The following TP63 variants were observed in gnomAD, a reference collection of about 807,000 sequenced individuals.
TP63 encodes the protein tumor protein p63, also known as tumor protein 63.
TP63 carries 17 observed loss-of-function variants against 82.8 expected under a neutral mutation model. That is an observed-to-expected ratio of 0.21 (90% CI 0.14 to 0.31). TP63 has a LOEUF of 0.31. Ranked by LOEUF, TP63 falls within the 10% of genes least tolerant of loss-of-function variation. The pLI is 1.00. For missense variants in TP63, 648 were observed against 895.3 expected (o/e 0.72, Z 3.52); for synonymous variants, 330 against 321.7 (o/e 1.03, Z -0.28).
intron 4 of TP63, among the ~76,000 whole-genome samples, chr3:189,809,328 A>G (rs1727281170): frequency 6.6e-6 from 1 of 152,202 alleles, no homozygotes; most frequent in African/African-American, 2.4e-5. Context: ...TCTGTATATA[A>G]CTTTTCTAAG....
At position 189,690,572 on chromosome 3, in the gene TP63, A is replaced by G. The variant is rs536303918; in HGVS notation, c.63-47168A>G. Among the ~76,000 whole-genome samples, 13 of 152,330 alleles carry G rather than the reference A, an allele frequency of 8.5e-5. No individual in the cohort carries two copies. The East Asian group carries it at 1.5e-3, about 18-fold the overall frequency. ...ACAGCTACATTTTGAAGAACTTCCT[A>G]TAGACACATTTATTTGAATTGGTCC... On this transcript the variant is annotated intron_variant, in intron 1 of 13. Coordinates refer to ENST00000264731, the MANE Select transcript of TP63 (RefSeq NM_003722.5).
intron 4 of TP63, among the ~76,000 whole-genome samples, chr3:189,824,696 T>C (rs977534371): frequency 3.9e-5 from 6 of 152,188 alleles, no homozygotes. Context: ...CAAGCCATAC[T>C]TACTCAGGAC....
chr3:189,852,738 C>A (rs908376691), intron 4 of TP63, among the ~76,000 whole-genome samples: 1 of 152,130 alleles, frequency 6.6e-6, no homozygotes, highest in Non-Finnish European at 1.5e-5. Flanking sequence ...TCAGTGACAC[C>A]TCTTTGCCTG....
chr3:189,672,101 ATTC>A (rs1714940650), intron 1 of TP63, among the ~76,000 whole-genome samples: 1 of 152,150 alleles, frequency 6.6e-6, no homozygotes, highest in South Asian at 2.1e-4. Context: ...TATATTAGTT[ATTC>A]TTATTTGATC....
At position 189,896,361 on chromosome 3, in the gene TP63, T is replaced by C. The variant is rs1265470944; in HGVS notation, c.*1859T>C. 4.9e-6 allele frequency: 1 copy of C among 204,448 alleles called. No individual in the cohort carries two copies. Among genetic ancestry groups the C allele is most frequent in the East Asian group, 7.4e-5 (1 of 13,474 alleles). The allele number at this position is 204,448 out of a possible 1,614,324, so 12.7% of individuals were successfully genotyped here. ...ACCTTTTTTTATCGTTTTTGTATTT[T>C]CATGAAAATACCATTTAGTAAGAAT... On this transcript the variant is annotated 3_prime_UTR_variant, in exon 14 of 14. Coordinates refer to ENST00000264731, the MANE Select transcript of TP63 (RefSeq NM_003722.5).
chr3:189,698,046 T>C lies in TP63; in HGVS notation c.63-39694T>C, dbSNP rs150231281. Reference sequence around the variant, plus strand: ...ATGATTTTGTTATTTTACTTCACTATTTAGGGCTTCCAGGACAATGTTGAA... The same window carrying C: ...ATGATTTTGTTATTTTACTTCACTACTTAGGGCTTCCAGGACAATGTTGAA... On this transcript the variant is annotated intron_variant, in intron 1 of 13. Transcript: ENST00000264731. 4.7e-3 allele frequency among the ~76,000 whole-genome samples: 711 copies of C among 152,194 alleles called. 2 individuals carry two copies. Among genetic ancestry groups the C allele is most frequent in the Non-Finnish European group, 6.1e-3 (414 of 67,964 alleles).
chr3:189,893,985 T>G (rs537836022), intron 13 of TP63, among the ~76,000 whole-genome samples: 1 of 152,244 alleles, frequency 6.6e-6, no homozygotes, highest in South Asian at 2.1e-4. Context: ...AGAGACTAAG[T>G]GAAGTGTTCT....
At chr3:189,678,850 TA>T (rs1268272892) in intron 1 of TP63, among the ~76,000 whole-genome samples, 3 of 152,096 alleles carry the variant, frequency 2.0e-5, no homozygotes, top group East Asian at 3.8e-4. Flanking sequence ...TCCTCAATAT[TA>T]TTTTTTTAGC....
At chr3:189,811,612 C>G (rs1235012654) in intron 4 of TP63, among the ~76,000 whole-genome samples, 1 of 152,102 alleles carries the variant, frequency 6.6e-6, no homozygotes, top group Non-Finnish European at 1.5e-5. Context: ...AATTATATAT[C>G]CTCATGTTTA....
chr3:189,643,455 T>TAAAAA (rs71635306), intron 1 of TP63, among the ~76,000 whole-genome samples: 8 of 122,968 alleles, frequency 6.5e-5, no homozygotes, highest in South Asian at 2.5e-4. Context: ...TTAAACTGAT[T>TAAAAA]AAAAAAAAAA....
At chr3:189,654,375 A>G (rs564781352) in intron 1 of TP63, among the ~76,000 whole-genome samples, 9 of 152,294 alleles carry the variant, frequency 5.9e-5, no homozygotes, top group African/African-American at 2.2e-4. Flanking sequence ...CACAGGCTAT[A>G]GGACAAGAAA....
At chr3:189,808,612 G>T in intron 4 of TP63, 86 bp downstream of exon 4, 1 of 1,601,184 alleles carries the variant, frequency 6.2e-7, no homozygotes, top group Non-Finnish European at 8.5e-7. Flanking sequence ...CCCCTTCCCA[G>T]TTTAGCGATT....
At chr3:189,667,122 A>G (rs1368205670) in intron 1 of TP63, among the ~76,000 whole-genome samples, 3 of 151,038 alleles carry the variant, frequency 2.0e-5, no homozygotes, top group East Asian at 1.9e-4. Flanking sequence ...GAGCTGACAC[A>G]CAAGCATAGC....
At chr3:189,599,890 T>C in the TP63 span, among the ~76,000 whole-genome samples, 186 of 152,344 alleles carry the variant, frequency 1.2e-3, no homozygotes, top group African/African-American at 4.3e-3. Context: ...ACTATATTTA[T>C]TTTCCTCAAC....
intron 3 of TP63, among the ~76,000 whole-genome samples, chr3:189,754,459 G>A (rs369112390): frequency 6.6e-6 from 1 of 151,984 alleles, no homozygotes; most frequent in Non-Finnish European, 1.5e-5. Flanking sequence ...TATTAAACAC[G>A]TATTGTATGA....
intron 9 of TP63, among the ~76,000 whole-genome samples, chr3:189,871,051 C>A (rs1340741781): frequency 6.6e-6 from 1 of 152,086 alleles, no homozygotes; most frequent in Admixed American, 6.5e-5. Flanking sequence ...AAACATTACC[C>A]TGATACACTA....
Position 189,894,520 on chromosome 3 carries a change from C to T in TP63, c.*18C>T. 3 of 1,611,634 alleles carry T rather than the reference C, an allele frequency of 1.9e-6. No individual in the cohort carries two copies. Among genetic ancestry groups the T allele is most frequent in the Non-Finnish European group, 2.5e-6 (3 of 1,179,856 alleles). On this transcript the variant is annotated 3_prime_UTR_variant, in exon 14 of 14. Coordinates refer to ENST00000264731, the MANE Select transcript of TP63 (RefSeq NM_003722.5). Reference sequence around the variant, plus strand: ...GGGAGTGAGCCTCACCATGTGAGCTCTTCCTATCCCTCTCCTAACTGCCAG... The same window carrying T: ...GGGAGTGAGCCTCACCATGTGAGCTTTTCCTATCCCTCTCCTAACTGCCAG...
intron 3 of TP63, among the ~76,000 whole-genome samples, chr3:189,750,125 GA>G (rs71175309): frequency 0.56 from 53,324 of 95,606 alleles, 11,331 homozygotes; most frequent in African/African-American, 0.62. Flanking sequence ...CTCTGTCTCA[GA>G]AAAAAAAAAA....
rs115495574 is a variant in TP63, at chr3:189,700,629, G to A, written c.63-37111G>A. Among the ~76,000 whole-genome samples the A allele has an allele frequency of 2.3e-3, 347 of 152,196 alleles. 1 individual carries two copies. In the Middle Eastern group the frequency reaches 0.034, roughly 15 times the overall value. ...TCAGAGATTAATGGGAATTACTGCT[G>A]GGTAGCTATAACACAATAACATATC... On this transcript the variant is annotated intron_variant, in intron 1 of 13. Transcript: ENST00000264731.
Sources: allele counts gnomAD v4.1 joint callset (sites outside exome capture counted in the v4.1 genomes callset), GRCh38; gene constraint gnomAD v4.1.1; transcripts MANE v1.5; gene names NCBI Gene and HGNC (gene_info 2026-07-23, HGNC 2026-07-21).